The following KIAA0586 variants were observed in gnomAD, a reference collection of about 807,000 sequenced individuals.
KIAA0586 encodes KIAA0586.
KIAA0586 carries 144 observed loss-of-function variants against 169.8 expected under a neutral mutation model. The ratio of observed to expected loss-of-function variants is 0.85; its 90% CI spans 0.74 to 0.97. KIAA0586 has a LOEUF of 0.97. Ranked by LOEUF, KIAA0586 falls within the 50% of genes least tolerant of loss-of-function variation. The pLI is 0.00. For missense variants in KIAA0586, 1,854 were observed against 1,823.0 expected, an observed-to-expected ratio of 1.02 and a Z score of -0.31; for synonymous variants, 625 against 612.4, an observed-to-expected ratio of 1.02 and a Z score of -0.30.
intron 27 of KIAA0586, among the ~76,000 whole-genome samples, chr14:58,508,293 T>C (rs1485643890): frequency 3.9e-5 from 6 of 152,228 alleles, no homozygotes; most frequent in Admixed American, 3.9e-4. Context: ...AGGCTGCAGA[T>C]GAACTGCATG....
At chr14:58,464,068 A>G (rs922940084) in intron 14 of KIAA0586, 17 of 424,632 alleles carry the variant, frequency 4.0e-5, no homozygotes, top group Admixed American at 3.0e-5. Flanking sequence ...GAGTAGTCAC[A>G]TTGATGATCT....
At chr14:58,432,335 G>T in intron 3 of KIAA0586, 53 bp from the exon 4 acceptor site, 3 of 1,091,262 alleles carry the variant, frequency 2.7e-6, no homozygotes, top group Non-Finnish European at 3.9e-6. Flanking sequence ...GCTTATTAAA[G>T]TTTAATAAAT....
At chr14:58,512,316 G>GT (rs36123151) in intron 28 of KIAA0586, among the ~76,000 whole-genome samples, 59 of 150,420 alleles carry the variant, frequency 3.9e-4, no homozygotes, top group East Asian at 2.3e-3. Context: ...CTTTTTAAAG[G>GT]TTTTTTTTTG....
intron 29 of KIAA0586, among the ~76,000 whole-genome samples, chr14:58,529,490 T>C (rs545384500): frequency 7.3e-4 from 111 of 152,278 alleles, no homozygotes; most frequent in Non-Finnish European, 1.5e-3. Flanking sequence ...CAGCAGCACA[T>C]GAAAAAGCTT....
intron 4 of KIAA0586, among the ~76,000 whole-genome samples, chr14:58,435,518 A>C (rs1017862790): frequency 2.0e-5 from 3 of 152,142 alleles, no homozygotes; most frequent in African/African-American, 7.2e-5. Context: ...ATTGTTAACT[A>C]TACTCATCCT....
chr14:58,479,574 C>T (rs1474994582), intron 20 of KIAA0586, among the ~76,000 whole-genome samples: 2 of 152,074 alleles, frequency 1.3e-5, no homozygotes, highest in African/African-American at 4.8e-5. Flanking sequence ...TTTTTGCATG[C>T]TGCTTTTAAA....
At chr14:58,528,721 T>C (rs1379235492) in intron 29 of KIAA0586, among the ~76,000 whole-genome samples, 3 of 152,114 alleles carry the variant, frequency 2.0e-5, no homozygotes, top group Non-Finnish European at 4.4e-5. Flanking sequence ...AGAGGGAAAT[T>C]TCTAACACTA....
chr14:58,496,812 T>C (rs2043186750), intron 26 of KIAA0586, among the ~76,000 whole-genome samples: 1 of 152,182 alleles, frequency 6.6e-6, no homozygotes. Flanking sequence ...TTCAGATAAT[T>C]GGAATTTTGC....
At position 58,427,729 on chromosome 14, in the gene KIAA0586, G is replaced by A; in HGVS notation, c.-536G>A. On this transcript the variant is annotated 5_prime_UTR_variant, in exon 1 of 31. Transcript: ENST00000652326. ...CTGCGGGCAACTGACGCTGTTGTCA[G>A]ATTACACCCACGACGGTGCGGGTCT... 2.0e-6 allele frequency: 3 copies of A among 1,534,696 alleles called. No homozygotes were observed. In the South Asian group the frequency reaches 3.6e-5, roughly 18 times the overall value.
intron 21 of KIAA0586, 42 bp from the exon 22 acceptor site, chr14:58,486,965 G>T: frequency 6.9e-7 from 1 of 1,456,686 alleles, no homozygotes. Context: ...ACTTTTATTT[G>T]GGTGATTATA....
intron 7 of KIAA0586, among the ~76,000 whole-genome samples, chr14:58,449,449 A>G (rs2039170472): frequency 6.6e-6 from 1 of 152,192 alleles, no homozygotes; most frequent in Non-Finnish European, 1.5e-5. Context: ...GGATTGCCTG[A>G]GCCCAGGAGG....
chr14:58,550,855 G>T lies in KIAA0586; in HGVS notation c.*2923G>T. ...TCTCAAAAAAAAAAAAAAAAAAATTGCTGAGCTATCATGCCTTAACACTAG... is the reference window on the plus strand; with the variant it reads ...TCTCAAAAAAAAAAAAAAAAAAATTTCTGAGCTATCATGCCTTAACACTAG... On this transcript the variant is annotated 3_prime_UTR_variant, in exon 31 of 31. Transcript: ENST00000652326. The T allele has an allele frequency of 6.7e-6, 1 of 148,544 alleles. No individual in the cohort carries two copies. The highest frequency in any genetic ancestry group is 2.5e-5 in the African/African-American group (1 of 39,548). 9.2% of individuals were successfully genotyped at this position (148,544 alleles called of 1,614,324 possible).
At chr14:58,470,138 A>G (rs1037326752) in intron 16 of KIAA0586, among the ~76,000 whole-genome samples, 2 of 151,778 alleles carry the variant, frequency 1.3e-5, no homozygotes, top group Admixed American at 6.6e-5. Context: ...TATATATATA[A>G]TAGTGGAAAA....
In KIAA0586 at chr14:58,513,831, AT is replaced by A. The variant is rs1360563131; in HGVS notation, c.4429+1207del. 2.0e-5 allele frequency among the ~76,000 whole-genome samples: 3 copies of A among 152,140 alleles called. No homozygotes were observed. In the East Asian group the frequency reaches 5.8e-4, roughly 29 times the overall value. On this transcript the variant is annotated intron_variant, in intron 29 of 30. Transcript: ENST00000652326. ...CAATCATTTTTGGCATTACAAATGA[AT>A]TTCATTTTCTTGAGGATGTTGTATG...
intron 16 of KIAA0586, among the ~76,000 whole-genome samples, chr14:58,469,257 A>G (rs372312815): frequency 2.0e-4 from 30 of 152,332 alleles, no homozygotes; most frequent in Middle Eastern, 3.4e-3. Flanking sequence ...GAGGCAGTCA[A>G]TGGATCTCAG....
At chr14:58,456,947 C>CA in intron 10 of KIAA0586, 137 bp downstream of exon 10, 1 of 610,152 alleles carries the variant, frequency 1.6e-6, no homozygotes, top group African/African-American at 1.8e-5. Flanking sequence ...ACATCTGTTC[C>CA]ATTTATAAAG....
chr14:58,523,078 A>C (rs757536551), intron 29 of KIAA0586, among the ~76,000 whole-genome samples: 1 of 152,092 alleles, frequency 6.6e-6, no homozygotes, highest in Non-Finnish European at 1.5e-5. Context: ...TATATAGTCT[A>C]ACAGACAAAT....
chr14:58,432,325 G>A lies in KIAA0586; in HGVS notation c.341-63G>A. On this transcript the variant is annotated intron_variant, in intron 3 of 30. Transcript: ENST00000652326. ...TTAGTTAAAAAAGATTTTTTTAGTA[G>A]CTTATTAAAGTTTAATAAATATTCA... 6 of 977,066 alleles carry A rather than the reference G, an allele frequency of 6.1e-6. No homozygotes were observed. The South Asian group carries it at 8.2e-5, about 13-fold the overall frequency. The allele number at this position is 977,066 out of a possible 1,614,324, so 60.5% of individuals were successfully genotyped here. A position where few individuals can be genotyped will look rare whatever the true frequency, so the allele number is the denominator to read the frequency against.
At chr14:58,532,360 G>A (rs1162330712) in intron 29 of KIAA0586, among the ~76,000 whole-genome samples, 4 of 152,134 alleles carry the variant, frequency 2.6e-5, no homozygotes, top group Non-Finnish European at 5.9e-5. Flanking sequence ...AGATTTAATG[G>A]AACAGGAAAG....
Sources: allele counts gnomAD v4.1 joint callset (sites outside exome capture counted in the v4.1 genomes callset), GRCh38; gene constraint gnomAD v4.1.1; transcripts MANE v1.5; gene names NCBI Gene and HGNC (gene_info 2026-07-23, HGNC 2026-07-21).